PRELID2: variants seen among roughly 807,000 people sequenced by gnomAD.
The protein encoded by PRELID2 is PRELI domain containing 2.
In PRELID2, 25 loss-of-function variants were observed where a neutral mutation model predicts 28.4. The observed-to-expected ratio is 0.88, with a 90% CI of 0.64 to 1.23. PRELID2 has a LOEUF of 1.23. Ranked by LOEUF, PRELID2 falls within the 50% of genes most tolerant of loss-of-function variation. PRELID2 has a pLI of 0.00. For synonymous variants in PRELID2, 76 were observed against 71.6 expected (o/e 1.06, Z -0.31); for missense variants, 201 against 214.4 (o/e 0.94, Z 0.39).
At chr5:145,584,412 G>A (rs1445728213) in intron 1 of PRELID2, among the ~76,000 whole-genome samples, 1 of 151,930 alleles carries the variant, frequency 6.6e-6, no homozygotes, top group African/African-American at 2.4e-5. Context: ...CAAAAATAAA[G>A]TGCAACAAAA....
the PRELID2 span, among the ~76,000 whole-genome samples, chr5:145,328,579 T>A: frequency 6.6e-6 from 1 of 152,328 alleles, no homozygotes; most frequent in Middle Eastern, 3.4e-3. Context: ...CATAAATGTC[T>A]TCTTTTGAGA....
At chr5:145,688,707 G>A (rs1018562460) in intron 1 of PRELID2, among the ~76,000 whole-genome samples, 5 of 152,292 alleles carry the variant, frequency 3.3e-5, no homozygotes, top group African/African-American at 1.2e-4. Flanking sequence ...ATGACACATT[G>A]GAAGAACTTA....
At chr5:145,678,672 AG>A (rs1754870644) in intron 1 of PRELID2, among the ~76,000 whole-genome samples, 1 of 152,202 alleles carries the variant, frequency 6.6e-6, no homozygotes, top group Non-Finnish European at 1.5e-5. Flanking sequence ...TACCCAGCAC[AG>A]TGTTTAGTAC....
Position 145,817,985 on chromosome 5 carries a change from T to C in PRELID2, c.277A>G (p.Met93Val), listed in dbSNP as rs770673925. The C allele has an allele frequency of 6.2e-7, 1 of 1,612,572 alleles. No homozygotes were observed. Among genetic ancestry groups the C allele is most frequent in the Non-Finnish European group, 8.5e-7 (1 of 1,179,318 alleles). ...ESWLNPRERN[M>V]AIRSHCLTWT... Reference sequence around the variant, plus strand: ...GTAAGGCAGTGACTCCGTATGGCCATGTTTCTTTCCCGAGGATTGAGCCAT... The same window carrying C: ...GTAAGGCAGTGACTCCGTATGGCCACGTTTCTTTCCCGAGGATTGAGCCAT... The change falls in exon 4 of 7, where the codon ATG becomes GTG. Residue 93 changes from methionine (M) to valine (V), a missense_variant. By Grantham distance (21) the Met-to-Val change is conservative (BLOSUM62 1). Transcript: ENST00000683046.
At chr5:145,532,546 C>T (rs1481474646) in intron 1 of PRELID2, among the ~76,000 whole-genome samples, 1 of 152,048 alleles carries the variant, frequency 6.6e-6, no homozygotes, top group Non-Finnish European at 1.5e-5. Context: ...CCTTGTTGTA[C>T]AATAGATCTG....
chr5:145,633,307 T>C (rs1753955807), intron 1 of PRELID2, among the ~76,000 whole-genome samples: 1 of 152,104 alleles, frequency 6.6e-6, no homozygotes, highest in Non-Finnish European at 1.5e-5. Flanking sequence ...AAACCTAATA[T>C]AGTAAAGAGA....
At chr5:145,802,829 A>T (rs1222719847) in intron 4 of PRELID2, among the ~76,000 whole-genome samples, 1 of 152,204 alleles carries the variant, frequency 6.6e-6, no homozygotes, top group Non-Finnish European at 1.5e-5. Context: ...TCATTTAAAA[A>T]TTTGTTTTCT....
At chr5:145,678,242 G>A (rs2149687280) in intron 1 of PRELID2, among the ~76,000 whole-genome samples, 2 of 152,278 alleles carry the variant, frequency 1.3e-5, no homozygotes, top group East Asian at 3.9e-4. Context: ...AGTAAGATTT[G>A]GGCGGTTCTC....
rs144530639 is a variant in PRELID2, at chr5:145,645,601, G to A, written n.70+119330C>T. On this transcript the variant is annotated intron_variant and non_coding_transcript_variant, in intron 1 of 2. Coordinates refer to the PRELID2 transcript ENST00000510259. ...ATGATGCTAGATGGTTATTTTGCCC[G>A]TTAGTTGATGCAGTTTCTTCATAGT... 6.9e-3 allele frequency among the ~76,000 whole-genome samples: 1,050 copies of A among 152,078 alleles called. 20 individuals are homozygous for A. The highest frequency in any genetic ancestry group is 0.024 in the African/African-American group (979 of 41,466).
At chr5:145,771,055 C>A (rs1046120173) in intron 5 of PRELID2, among the ~76,000 whole-genome samples, 1 of 152,164 alleles carries the variant, frequency 6.6e-6, no homozygotes, top group Non-Finnish European at 1.5e-5. Context: ...CTTACTGACT[C>A]GCCCACCCAG....
intron 5 of PRELID2, among the ~76,000 whole-genome samples, chr5:145,782,521 T>G (rs1751698727): frequency 6.6e-6 from 1 of 152,198 alleles, no homozygotes; most frequent in Admixed American, 6.5e-5. Context: ...CAGCTACTAT[T>G]ATATTATATC....
chr5:145,410,434 T>C, the PRELID2 span, among the ~76,000 whole-genome samples: 1 of 152,200 alleles, frequency 6.6e-6, no homozygotes, highest in African/African-American at 2.4e-5. Flanking sequence ...ATTATCATGC[T>C]GTTATGGAGA....
chr5:145,735,755 T>C (rs866267769), intron 1 of PRELID2, among the ~76,000 whole-genome samples: 1 of 152,286 alleles, frequency 6.6e-6, no homozygotes, highest in Admixed American at 6.5e-5. Flanking sequence ...CCTGCTACCA[T>C]CTTCACACGG....
the PRELID2 span, among the ~76,000 whole-genome samples, chr5:145,388,985 C>T: frequency 2.6e-5 from 4 of 152,050 alleles, no homozygotes; most frequent in Admixed American, 6.6e-5. Flanking sequence ...ACCATAAGCA[C>T]AATGTATCTT....
intron 5 of PRELID2, among the ~76,000 whole-genome samples, chr5:145,793,977 C>A (rs1253936065): frequency 6.6e-6 from 1 of 152,138 alleles, no homozygotes; most frequent in Non-Finnish European, 1.5e-5. Context: ...CATAACTGGA[C>A]AACTTGACTT....
chr5:145,329,829 G>A, the PRELID2 span, among the ~76,000 whole-genome samples: 49 of 152,162 alleles, frequency 3.2e-4, no homozygotes, highest in African/African-American at 1.1e-3. Context: ...GAACAGGAGT[G>A]GTGAAAAACA....
chr5:145,354,557 A>G, the PRELID2 span, among the ~76,000 whole-genome samples: 1 of 152,158 alleles, frequency 6.6e-6, no homozygotes, highest in Non-Finnish European at 1.5e-5. Flanking sequence ...AAGGCAGATA[A>G]CCACTGCAAA....
At chr5:145,775,180 C>T (rs968794539) in intron 5 of PRELID2, among the ~76,000 whole-genome samples, 3 of 151,724 alleles carry the variant, frequency 2.0e-5, no homozygotes, top group Non-Finnish European at 4.4e-5. Context: ...GTGGAGGTTG[C>T]AGTGAGCCGA....
chr5:145,751,364 C>CT (rs2149751585), downstream of PRELID2, among the ~76,000 whole-genome samples: 1 of 152,312 alleles, frequency 6.6e-6, no homozygotes, highest in East Asian at 1.9e-4. Context: ...CACGGCTTCT[C>CT]TAACTTTTTC....
Sources: allele counts gnomAD v4.1 joint callset (sites outside exome capture counted in the v4.1 genomes callset), GRCh38; gene constraint gnomAD v4.1.1; transcripts MANE v1.5; gene names NCBI Gene and HGNC (gene_info 2026-07-23, HGNC 2026-07-21).